KIRREL1: variants seen among roughly 807,000 people sequenced by gnomAD.
KIRREL1 encodes the protein kirre like nephrin family adhesion molecule 1.
A neutral mutation model predicts 83.3 loss-of-function variants in KIRREL1; 25 were observed. That is an observed-to-expected ratio of 0.30 (90% CI 0.22 to 0.42). The LOEUF is 0.42. KIRREL1 is among the 10% of genes least tolerant of loss of function. The pLI is 1.00. For missense variants in KIRREL1, 812 were observed against 1,032.3 expected (o/e 0.79, Z 2.92); for synonymous variants, 388 against 410.4 (o/e 0.95, Z 0.66).
chr1:158,092,947 A>G (rs1417350546), intron 11 of KIRREL1, among the ~76,000 whole-genome samples: 1 of 151,314 alleles, frequency 6.6e-6, no homozygotes, highest in Non-Finnish European at 1.5e-5. Context: ...AAGATGTCGG[A>G]ACACGGGTGG....
At chr1:158,091,246 C>A in intron 10 of KIRREL1, 112 bp from the exon 11 acceptor site, 1 of 940,730 alleles carries the variant, frequency 1.1e-6, no homozygotes, top group Non-Finnish European at 1.6e-6. Context: ...GCTTGTGGGG[C>A]ACACATGGCA....
intron 1 of KIRREL1, among the ~76,000 whole-genome samples, chr1:158,033,899 A>G (rs1450537405): frequency 6.6e-6 from 1 of 151,884 alleles, no homozygotes; most frequent in African/African-American, 2.4e-5. Flanking sequence ...GAATTGCTTG[A>G]ACCTGGGAGG....
At chr1:158,085,235 G>A (rs546175471) in intron 4 of KIRREL1, among the ~76,000 whole-genome samples, 5 of 152,224 alleles carry the variant, frequency 3.3e-5, no homozygotes, top group Non-Finnish European at 7.3e-5. Context: ...CCTGGTTGGG[G>A]TTACCCTGCC....
intron 1 of KIRREL1, among the ~76,000 whole-genome samples, chr1:158,018,124 T>C (rs1458753185): frequency 6.6e-6 from 1 of 152,106 alleles, no homozygotes; most frequent in Admixed American, 6.5e-5. Flanking sequence ...GAGAGTCTTG[T>C]CCTTTTGAGG....
In KIRREL1 at chr1:158,088,430, C is replaced by T; in HGVS notation, c.1020C>T (p.Thr340=). ...VWVGNPPLTL[T]WTKKDSNMVL... ...TTGGGAATCCCCCCCTCACTCTCAC[C>T]TGGACCAAAAAGGACTCAAATATGG... is the stretch of plus-strand genomic sequence containing the variant. The change falls in exon 8 of 15, where the codon ACC becomes ACT. Residue 340 remains threonine (T), a synonymous_variant. Transcript: ENST00000359209. 3 of 1,608,830 alleles carry T rather than the reference C, an allele frequency of 1.9e-6. No homozygotes were observed. The highest frequency in any genetic ancestry group is 1.7e-4 in the Middle Eastern group (1 of 6,014).
rs777168903 is a variant in KIRREL1, at chr1:158,099,967, C to A, written c.*4847C>A. On this transcript the variant is annotated 3_prime_UTR_variant, in exon 15 of 15. Coordinates refer to ENST00000359209, the MANE Select transcript of KIRREL1 (RefSeq NM_018240.7). ...TGGTCACATTTTCTACCCAGCCATTCTTGGCATTGCAACCTCCATTTCTAG... is the reference window on the plus strand; with the variant it reads ...TGGTCACATTTTCTACCCAGCCATTATTGGCATTGCAACCTCCATTTCTAG... 1 of 152,156 alleles carries A rather than the reference C, an allele frequency of 6.6e-6. No individual in the cohort carries two copies. The highest frequency in any genetic ancestry group is 1.5e-5 in the Non-Finnish European group (1 of 68,024). The allele number at this position is 152,156 out of a possible 1,614,324, so 9.4% of individuals were successfully genotyped here. A position where few individuals can be genotyped will look rare whatever the true frequency, so the allele number is the denominator to read the frequency against.
chr1:158,060,751 A>G (rs192524251), intron 1 of KIRREL1, among the ~76,000 whole-genome samples: 14 of 152,268 alleles, frequency 9.2e-5, no homozygotes, highest in South Asian at 2.1e-4. Flanking sequence ...TTTCCATGCA[A>G]TACAAGGTAT....
intron 1 of KIRREL1, among the ~76,000 whole-genome samples, chr1:158,066,247 C>T (rs1276631554): frequency 6.7e-6 from 1 of 150,250 alleles, no homozygotes; most frequent in African/African-American, 2.4e-5. Flanking sequence ...GTTGGAGTGG[C>T]GACCATCAAG....
chr1:158,022,961 C>T (rs111890798), intron 1 of KIRREL1, among the ~76,000 whole-genome samples: 35 of 152,318 alleles, frequency 2.3e-4, no homozygotes, highest in African/African-American at 7.5e-4. Flanking sequence ...GAGTGACCAC[C>T]CTGGGTGATG....
At chr1:158,021,670 T>C (rs1571542971) in intron 1 of KIRREL1, among the ~76,000 whole-genome samples, 3 of 152,272 alleles carry the variant, frequency 2.0e-5, no homozygotes, top group African/African-American at 7.2e-5. Context: ...AGGATATATA[T>C]AAAATTATGT....
chr1:158,003,743 A>G (rs1325101459), intron 1 of KIRREL1, among the ~76,000 whole-genome samples: 2 of 152,204 alleles, frequency 1.3e-5, no homozygotes, highest in Non-Finnish European at 2.9e-5. Flanking sequence ...TGAGAATGCA[A>G]ACTCATTTTA....
rs1250168934 is a variant in KIRREL1 at position 158,098,928 on chromosome 1, C to T, written c.*3808C>T. ...TAACCTGTCAGGAGCCACAGGGCTC[C>T]ATAAAACGGAATCAGTGTCTCAATA... On this transcript the variant is annotated 3_prime_UTR_variant, in exon 15 of 15. Coordinates refer to ENST00000359209, the MANE Select transcript of KIRREL1 (RefSeq NM_018240.7). 6.6e-6 allele frequency: 1 copy of T among 152,224 alleles called. No individual in the cohort carries two copies. The highest frequency in any genetic ancestry group is 6.5e-5 in the Admixed American group (1 of 15,278). The allele number at this position is 152,224 out of a possible 1,614,324, so 9.4% of individuals were successfully genotyped here. A position where few individuals can be genotyped will look rare whatever the true frequency, so the allele number is the denominator to read the frequency against.
At chr1:157,994,669 G>T (rs928949876) in intron 1 of KIRREL1, among the ~76,000 whole-genome samples, 2 of 152,004 alleles carry the variant, frequency 1.3e-5, no homozygotes, top group South Asian at 4.1e-4. Context: ...CTCTAAGGAA[G>T]ACTGAATCCT....
At chr1:158,009,128 G>T (rs1329480129) in intron 1 of KIRREL1, among the ~76,000 whole-genome samples, 1 of 152,216 alleles carries the variant, frequency 6.6e-6, no homozygotes, top group African/African-American at 2.4e-5. Context: ...CTAATCTCTA[G>T]TGTGTCTCGT....
At chr1:158,077,448 C>G (rs1478759622) in intron 2 of KIRREL1, among the ~76,000 whole-genome samples, 1 of 152,148 alleles carries the variant, frequency 6.6e-6, no homozygotes. Context: ...GAGGGCAAGG[C>G]CCACTGCCTC....
In KIRREL1 at chr1:158,088,386, A is replaced by C; in HGVS notation, c.976A>C (p.Thr326Pro). ...AACCACAGACATTGGCTCTGATGTGACCCTTACCTGTGTCTGGGTTGGGAA... is the reference window on the plus strand; with the variant it reads ...AACCACAGACATTGGCTCTGATGTGCCCCTTACCTGTGTCTGGGTTGGGAA... ...PTTTDIGSDV[T>P]LTCVWVGNPP... Residue 326 changes from threonine to proline, a missense_variant, in exon 8 of 15, where the codon ACC becomes CCC. Around this residue, in one of 3 missense-constraint regions of KIRREL1, gnomAD observed 472 missense variants for 626.8 expected, o/e 0.75. Coordinates refer to ENST00000359209, the MANE Select transcript of KIRREL1 (RefSeq NM_018240.7). The C allele has an allele frequency of 6.2e-7, 1 of 1,609,880 alleles. No individual in the cohort carries two copies. The highest frequency in any genetic ancestry group is 8.5e-7 in the Non-Finnish European group (1 of 1,179,100).
chr1:158,040,247 A>C (rs755474717), intron 1 of KIRREL1, among the ~76,000 whole-genome samples: 2 of 152,228 alleles, frequency 1.3e-5, no homozygotes, highest in Non-Finnish European at 2.9e-5. Flanking sequence ...TCCAGGATGT[A>C]GATATAAGTA....
At chr1:158,069,114 G>C (rs1661435922) in intron 1 of KIRREL1, among the ~76,000 whole-genome samples, 1 of 152,158 alleles carries the variant, frequency 6.6e-6, no homozygotes, top group South Asian at 2.1e-4. Flanking sequence ...GGGCTGGCCT[G>C]GCAGCCCAGG....
chr1:158,097,098 G>A lies in KIRREL1; in HGVS notation c.*1978G>A, dbSNP rs1185665675. 1 of 456,516 alleles carries A rather than the reference G, an allele frequency of 2.2e-6. No individual in the cohort carries two copies. Among genetic ancestry groups the A allele is most frequent in the Non-Finnish European group, 4.4e-6 (1 of 226,866 alleles). The allele number at this position is 456,516 out of a possible 1,614,324, so 28.3% of individuals were successfully genotyped here. ...CAGCAGGGAAAACTCCTGTGGAGTG[G>A]GCCCTATCTGGGGCATTTACAGGCT... On this transcript the variant is annotated 3_prime_UTR_variant, in exon 15 of 15. Transcript: ENST00000359209.
Sources: gnomAD v4.1 joint callset for allele counts (sites outside exome capture counted in the v4.1 genomes callset) on GRCh38, gnomAD v4.1.1 for gene constraint, gnomAD v4.1.1 regional missense constraint, MANE v1.5 for transcripts, NCBI Gene and HGNC (gene_info 2026-07-23, HGNC 2026-07-21) for gene names.